Variants in CELSR1 observed in about 807,000 individuals in gnomAD.
The protein encoded by CELSR1 is adhesion G protein-coupled receptor C1.
In CELSR1, 110 loss-of-function variants were observed where a neutral mutation model predicts 249.1. The ratio of observed to expected loss-of-function variants is 0.44; its 90% CI spans 0.38 to 0.52. The LOEUF (loss-of-function observed/expected upper bound fraction) is 0.52. Ranked by LOEUF, CELSR1 falls within the 20% of genes least tolerant of loss-of-function variation. The pLI, the probability that CELSR1 is intolerant of heterozygous loss-of-function variation, is 0.00. For synonymous variants in CELSR1, 2,113 were observed against 1,900.0 expected (o/e 1.11, Z -2.92); for missense variants, 4,109 against 4,296.4 (o/e 0.96, Z 1.22).
Position 46,500,750 on chromosome 22 carries a change from T to A in CELSR1, c.3544+32877A>T, listed in dbSNP as rs1356001684. 6.6e-6 allele frequency among the ~76,000 whole-genome samples: 1 copy of A among 152,160 alleles called. No homozygotes were observed. Among genetic ancestry groups the A allele is most frequent in the African/African-American group, 2.4e-5 (1 of 41,436 alleles). On this transcript the variant is annotated intron_variant, in intron 1 of 34. Coordinates refer to ENST00000674500, the MANE Select transcript of CELSR1 (RefSeq NM_001378328.1). This position sits in a 1 kb window ranked among gnomAD's most constrained non-coding sequence, Gnocchi z 4.9. Reference sequence around the variant, plus strand: ...GGAGCCTTTGACTGCAGTTTCAGAATGAAGCTCACCACCGTGTCCCCACAA... The same window carrying A: ...GGAGCCTTTGACTGCAGTTTCAGAAAGAAGCTCACCACCGTGTCCCCACAA...
rs73888534 is a variant in CELSR1 at position 46,506,722 on chromosome 22, G to A, written c.3544+26905C>T. On this transcript the variant is annotated intron_variant, in intron 1 of 34. Coordinates refer to ENST00000674500, the MANE Select transcript of CELSR1 (RefSeq NM_001378328.1). The surrounding 1 kb of genome is among the most constrained non-coding windows in gnomAD (Gnocchi z 4.1). Reference sequence around the variant, plus strand: ...GAGACAAGCCCAAATCGAGAGTTACGTTCTAATTTTAAGATCTCTGTGCCA... The same window carrying A: ...GAGACAAGCCCAAATCGAGAGTTACATTCTAATTTTAAGATCTCTGTGCCA... Among the ~76,000 whole-genome samples the A allele has an allele frequency of 3.3e-4, 50 of 152,242 alleles. No individual in the cohort carries two copies. Among genetic ancestry groups the A allele is most frequent in the African/African-American group, 1.2e-3 (49 of 41,534 alleles).
At chr22:46,521,453 C>A (rs914873747) in intron 1 of CELSR1, among the ~76,000 whole-genome samples, 1 of 151,062 alleles carries the variant, frequency 6.6e-6, no homozygotes, top group Non-Finnish European at 1.5e-5. Context: ...TGCAGTGAGC[C>A]GAGATCGCGC....
Position 46,527,815 on chromosome 22 carries a change from G to C in CELSR1, c.3544+5812C>G, listed in dbSNP as rs1000685342. Among the ~76,000 whole-genome samples, 2 of 152,198 alleles carry C rather than the reference G, an allele frequency of 1.3e-5. No individual in the cohort carries two copies. The highest frequency in any genetic ancestry group is 4.8e-5 in the African/African-American group (2 of 41,452). On this transcript the variant is annotated intron_variant, in intron 1 of 34. Transcript: ENST00000674500. This position sits in a 1 kb window ranked among gnomAD's most constrained non-coding sequence, Gnocchi z 5.5. ...AGCAATTTAAGATGGTCCGACCCAG[G>C]CTGGGAGCGGTGGCTCACGCCTGTA...
At position 46,406,403 on chromosome 22, in the gene CELSR1, C is replaced by T. The variant is rs529210920; in HGVS notation, c.5226+2593G>A. ...AGAGGTCTGTGCTGGAAAATGCTCC[C>T]GAGCTGTGATGGGGAGGAACAGGAG... On this transcript the variant is annotated intron_variant, in intron 9 of 34. Coordinates refer to ENST00000674500, the MANE Select transcript of CELSR1 (RefSeq NM_001378328.1). This position sits in a 1 kb window ranked among gnomAD's most constrained non-coding sequence, Gnocchi z 5.4. Among the ~76,000 whole-genome samples the T allele has an allele frequency of 1.2e-4, 19 of 152,298 alleles. No homozygotes were observed. Among genetic ancestry groups the T allele is most frequent in the South Asian group, 6.2e-4 (3 of 4,826 alleles).
rs1011642952 is a variant in CELSR1 at position 46,363,857 on chromosome 22, C to T, written c.9035+139G>A. 9 of 1,186,092 alleles carry T rather than the reference C, an allele frequency of 7.6e-6. No individual in the cohort carries two copies. The highest frequency in any genetic ancestry group is 1.7e-5 in the South Asian group (1 of 59,118). The allele number at this position is 1,186,092 out of a possible 1,614,324, so 73.5% of individuals were successfully genotyped here. On this transcript the variant is annotated intron_variant, in intron 34 of 34. Coordinates refer to ENST00000674500, the MANE Select transcript of CELSR1 (RefSeq NM_001378328.1). The surrounding 1 kb of genome is among the most constrained non-coding windows in gnomAD (Gnocchi z 4.3). ...CAGCTGCAGCGCCTCCCCCCTCCCC[C>T]ATCCCCGCCTGGGCTTCCTCTGCAC...
chr22:46,476,366 T>A (rs2080207931), intron 1 of CELSR1, among the ~76,000 whole-genome samples: 1 of 151,544 alleles, frequency 6.6e-6, no homozygotes, highest in Admixed American at 6.6e-5. Flanking sequence ...GAGACCAAGG[T>A]GGGTGGATTG....
Position 46,382,005 on chromosome 22 carries a change from G to A in CELSR1, c.6929C>T (p.Thr2310Ile), listed in dbSNP as rs1200688044. ...CTCGGTGCCAGGCCCCGGGCGCGTGGTCTGCGGGGTGGTCCTCCGGCCAGC... is the reference window on the plus strand; with the variant it reads ...CTCGGTGCCAGGCCCCGGGCGCGTGATCTGCGGGGTGGTCCTCCGGCCAGC... ...RPAGRRTTPQ[T>I]TRPGPGTERE... Residue 2310 changes from threonine (T) to isoleucine (I), a missense_variant, in exon 21 of 35, where the codon ACC (threonine) becomes ATC (isoleucine). By Grantham distance (89) the Thr-to-Ile change is moderately conservative. Around this residue, in one of 7 missense-constraint regions of CELSR1, gnomAD observed 1,805 missense variants for 1,831.6 expected, o/e 0.99. Coordinates refer to ENST00000674500, the MANE Select transcript of CELSR1 (RefSeq NM_001378328.1). 2 of 1,561,646 alleles carry A rather than the reference G, an allele frequency of 1.3e-6. No homozygotes were observed. The highest frequency in any genetic ancestry group is 1.7e-6 in the Non-Finnish European group (2 of 1,154,988).
At chr22:46,525,444 T>C (rs999625640) in intron 1 of CELSR1, among the ~76,000 whole-genome samples, 31 of 65,614 alleles carry the variant, frequency 4.7e-4, no homozygotes, top group African/African-American at 1.9e-3. Flanking sequence ...AGCAAAACTC[T>C]GTCTCAAAAA....
rs1022122941 is a variant in CELSR1 at position 46,433,017 on chromosome 22, G to A, written c.4611+376C>T. On this transcript the variant is annotated intron_variant, in intron 5 of 34. Coordinates refer to ENST00000674500, the MANE Select transcript of CELSR1 (RefSeq NM_001378328.1). The surrounding 1 kb of genome is among the most constrained non-coding windows in gnomAD (Gnocchi z 5.7). ...ATGTCTCAAGACAGAAAATCTACCA[G>A]GGCACCTTTTTTCCTTCCTTTTTTT... Among the ~76,000 whole-genome samples the A allele has an allele frequency of 6.6e-6, 1 of 151,858 alleles. No homozygotes were observed. The highest frequency in any genetic ancestry group is 2.4e-5 in the African/African-American group (1 of 41,316).
At chr22:46,519,948 C>T (rs1023990969) in intron 1 of CELSR1, among the ~76,000 whole-genome samples, 6 of 151,440 alleles carry the variant, frequency 4.0e-5, no homozygotes, top group South Asian at 2.1e-4. Context: ...CTCAGCTCAC[C>T]GCAACCTCTG....
At position 46,506,053 on chromosome 22, in the gene CELSR1, C is replaced by G. The variant is rs1341941176; in HGVS notation, c.3544+27574G>C. Among the ~76,000 whole-genome samples the G allele has an allele frequency of 6.6e-6, 1 of 151,910 alleles. No individual in the cohort carries two copies. Among genetic ancestry groups the G allele is most frequent in the African/African-American group, 2.4e-5 (1 of 41,332 alleles). ...AATTAGCAGGGCATGGTGGCAGGCA[C>G]CTGTAATCCCAGCTACTCGGGAGGC... On this transcript the variant is annotated intron_variant, in intron 1 of 34. Transcript: ENST00000674500. The surrounding 1 kb of genome is among the most constrained non-coding windows in gnomAD (Gnocchi z 4.1).
In CELSR1 at chr22:46,454,032, G is replaced by A. The variant is rs1035146864; in HGVS notation, c.4183+9675C>T. Among the ~76,000 whole-genome samples the A allele has an allele frequency of 2.0e-5, 3 of 152,166 alleles. No individual in the cohort carries two copies. Among genetic ancestry groups the A allele is most frequent in the Non-Finnish European group, 4.4e-5 (3 of 68,024 alleles). ...CAGATGTGATTAAGGATCTTGAGAC[G>A]GGGCAGTCATCCTGCATTACTGTGT... is the stretch of plus-strand genomic sequence containing the variant. On this transcript the variant is annotated intron_variant, in intron 2 of 34. Transcript: ENST00000674500. The surrounding 1 kb of genome is among the most constrained non-coding windows in gnomAD (Gnocchi z 5.1).
In CELSR1 at chr22:46,386,565, G is replaced by A. The variant is rs146827911; in HGVS notation, c.6576C>T (p.Ser2192=). 512 of 1,595,954 alleles carry A rather than the reference G, an allele frequency of 3.2e-4. 1 individual carries two copies. The African/African-American group carries it at 5.1e-3, about 16-fold the overall frequency. The stretch of plus-strand genomic sequence containing the variant: ...CCCTGGTGGCTGGGGCCAGGAGGGC[G>A]CTGCCCGAGTGGATGACGTCCTGGT... ...DFHEDVIHSG[S]ALLAPATRAA... The change falls in exon 19 of 35, where the codon AGC becomes AGT. Residue 2192 remains serine (S), a synonymous_variant. Transcript: ENST00000674500.
rs981444538 is a variant in CELSR1 at position 46,437,597 on chromosome 22, G to A, written c.4407-1308C>T. ...GAAACCCCGTCTCTACTAAAAATAC[G>A]AAAATTAGCCGGGCATGGTGGTGGG... On this transcript the variant is annotated intron_variant, in intron 3 of 34. Coordinates refer to ENST00000674500, the MANE Select transcript of CELSR1 (RefSeq NM_001378328.1). This position sits in a 1 kb window ranked among gnomAD's most constrained non-coding sequence, Gnocchi z 4.9. Among the ~76,000 whole-genome samples, 18 of 152,072 alleles carry A rather than the reference G, an allele frequency of 1.2e-4. No individual in the cohort carries two copies. Among genetic ancestry groups the A allele is most frequent in the African/African-American group, 2.7e-4 (11 of 41,494 alleles).
In CELSR1 at chr22:46,429,294, A is replaced by G. The variant is rs574767906; in HGVS notation, c.4611+4099T>C. Among the ~76,000 whole-genome samples, 4 of 152,260 alleles carry G rather than the reference A, an allele frequency of 2.6e-5. No homozygotes were observed. The highest frequency in any genetic ancestry group is 9.6e-5 in the African/African-American group (4 of 41,558). On this transcript the variant is annotated intron_variant, in intron 5 of 34. Transcript: ENST00000674500. The surrounding 1 kb of genome is among the most constrained non-coding windows in gnomAD (Gnocchi z 4.1). ...AGAACGTTTTCCGTCAGGCATGTCC[A>G]CCCTTTTGAAGTTGTGGACACACCT...
chr22:46,494,814 T>C (rs1008296628), intron 1 of CELSR1, among the ~76,000 whole-genome samples: 1 of 152,188 alleles, frequency 6.6e-6, no homozygotes. Context: ...GCCCTGAATT[T>C]CTCTGAGTAA....
At chr22:46,498,227 C>A (rs189805604) in intron 1 of CELSR1, among the ~76,000 whole-genome samples, 648 of 98,468 alleles carry the variant, frequency 6.6e-3, no homozygotes, top group Non-Finnish European at 9.0e-3. Context: ...CCAGCCTGGG[C>A]AACAAGAGTG....
Position 46,367,072 on chromosome 22 carries a change from C to T in CELSR1, c.8126G>A (p.Arg2709Gln), listed in dbSNP as rs150881558. ...GCCGAGCACGCCCTTCAGGTGCTTC[C>T]GGACCTCCTGGTTGAGCACGCAGTG... ...LFHCVLNQEVRKHLKGVLGGR... is the reference protein window; with the variant it reads ...LFHCVLNQEVQKHLKGVLGGR... Residue 2709 changes from arginine (R) to glutamine (Q), a missense_variant, in exon 29 of 35, where the codon CGG becomes CAG. Transcript: ENST00000674500. 2.6e-3 allele frequency: 4,190 copies of T among 1,611,554 alleles called. 11 individuals are homozygous for T. Among genetic ancestry groups the T allele is most frequent in the Non-Finnish European group, 3.2e-3 (3,785 of 1,179,682 alleles).
Position 46,408,893 on chromosome 22 carries a change from G to A in CELSR1, c.5226+103C>T. 1 of 933,828 alleles carries A rather than the reference G, an allele frequency of 1.1e-6. No homozygotes were observed. Among genetic ancestry groups the A allele is most frequent in the Non-Finnish European group, 1.6e-6 (1 of 643,234 alleles). 57.8% of individuals were successfully genotyped at this position (933,828 alleles called of 1,614,324 possible). Reference sequence around the variant, plus strand: ...CCCAGGGGCGGGCGCCGGAGGAAGGGCGAGTAGCAGGTGCCCGAGTGTGCA... The same window carrying A: ...CCCAGGGGCGGGCGCCGGAGGAAGGACGAGTAGCAGGTGCCCGAGTGTGCA... On this transcript the variant is annotated intron_variant, in intron 9 of 34. Coordinates refer to ENST00000674500, the MANE Select transcript of CELSR1 (RefSeq NM_001378328.1). This position sits in a 1 kb window ranked among gnomAD's most constrained non-coding sequence, Gnocchi z 4.6.
Sources: gnomAD v4.1 joint callset for allele counts (sites outside exome capture counted in the v4.1 genomes callset) on GRCh38, gnomAD v4.1.1 for gene constraint, gnomAD v4.1.1 regional missense constraint, Gnocchi (gnomAD v3.1) non-coding constraint, MANE v1.5 for transcripts, NCBI Gene and HGNC (gene_info 2026-07-23, HGNC 2026-07-21) for gene names.